The following SGTA variants were observed in gnomAD, a reference collection of about 807,000 sequenced individuals.
SGTA encodes the protein small glutamine rich tetratricopeptide repeat co-chaperone alpha, also known as small glutamine-rich tetratricopeptide repeat-containing protein alpha.
Under a neutral mutation model 44.3 loss-of-function variants are expected in SGTA, and 22 were observed. The observed-to-expected ratio is 0.50, with a 90% CI of 0.36 to 0.71. The LOEUF (loss-of-function observed/expected upper bound fraction) is 0.71. Ranked by LOEUF, SGTA falls within the 30% of genes least tolerant of loss-of-function variation. The pLI is 0.00. For missense variants in SGTA, 341 were observed against 435.9 expected (o/e 0.78, Z 1.94); for synonymous variants, 174 against 177.6 (o/e 0.98, Z 0.16).
chr19:2,756,299 G>T (rs1166050360), intron 11 of SGTA, among the ~76,000 whole-genome samples: 1 of 152,048 alleles, frequency 6.6e-6, no homozygotes, highest in Admixed American at 6.6e-5. Context: ...TAATGTTGGT[G>T]GCTCTGGGTG....
At chr19:2,766,057 A>G (rs968400261) in intron 4 of SGTA, among the ~76,000 whole-genome samples, 1 of 152,130 alleles carries the variant, frequency 6.6e-6, no homozygotes, top group Non-Finnish European at 1.5e-5. Context: ...CTCTACTAGA[A>G]ATACAAAAAT....
At position 2,759,273 on chromosome 19, in the gene SGTA, G is replaced by C; in HGVS notation, c.721C>G (p.Pro241Ala). The stretch of plus-strand genomic sequence containing the variant: ...GTCACTTACAGCTGCTGAATCTGGG[G>C]ATTGTTCATTAGGTTCGAAGCCTGA... ...MSMASNLMNN[P>A]QIQQLMSGMI... Residue 241 changes from proline to alanine, a missense_variant, in exon 9 of 12, where the codon CCC (proline) becomes GCC (alanine). Pro to Ala is a conservative substitution (Grantham distance 27). Coordinates refer to ENST00000221566, the MANE Select transcript of SGTA (RefSeq NM_003021.4). 1 of 1,614,104 alleles carries C rather than the reference G, an allele frequency of 6.2e-7. No individual in the cohort carries two copies. The highest frequency in any genetic ancestry group is 1.1e-5 in the South Asian group (1 of 91,080).
chr19:2,765,755 G>A lies in SGTA; in HGVS notation c.293-470C>T, dbSNP rs375616428. Among the ~76,000 whole-genome samples, 28 of 152,260 alleles carry A rather than the reference G, an allele frequency of 1.8e-4. 1 individual carries two copies. The East Asian group carries it at 4.6e-3, about 25-fold the overall frequency. ...CTGAGGCATGGGTCCCAGCTGGTAG[G>A]ACGGTAAAAACCCCAGCTGCTATCC... is the stretch of plus-strand genomic sequence containing the variant. On this transcript the variant is annotated intron_variant, in intron 4 of 11. Transcript: ENST00000221566. This position sits in a 1 kb window ranked among gnomAD's most constrained non-coding sequence, Gnocchi z 5.5.
At chr19:2,762,123 C>G (rs1915012843) in intron 7 of SGTA, among the ~76,000 whole-genome samples, 1 of 152,194 alleles carries the variant, frequency 6.6e-6, no homozygotes, top group African/African-American at 2.4e-5. Context: ...CACAGTCCAC[C>G]TGCCCCACTC....
chr19:2,773,484 A>G (rs1276841564), intron 1 of SGTA, among the ~76,000 whole-genome samples: 4 of 14,774 alleles, frequency 2.7e-4, no homozygotes, highest in Admixed American at 1.1e-3. Context: ...GCCACACGGC[A>G]GGGACACCGA....
intron 1 of SGTA, among the ~76,000 whole-genome samples, chr19:2,780,970 C>G (rs1915560913): frequency 6.6e-6 from 1 of 152,146 alleles, no homozygotes; most frequent in Non-Finnish European, 1.5e-5. Flanking sequence ...CCTGTAGTCC[C>G]AGCTACTCAG....
intron 1 of SGTA, among the ~76,000 whole-genome samples, chr19:2,778,260 G>A (rs749603900): frequency 3.7e-4 from 57 of 152,276 alleles, no homozygotes; most frequent in Non-Finnish European, 6.0e-4. Flanking sequence ...TTCCTTCGCA[G>A]GGAACTAACA....
At chr19:2,774,850 G>C (rs547577661) in intron 1 of SGTA, among the ~76,000 whole-genome samples, 2 of 152,272 alleles carry the variant, frequency 1.3e-5, no homozygotes, top group East Asian at 3.9e-4. Flanking sequence ...CTGAAGCTGT[G>C]TGCGCGCGCA....
chr19:2,771,991 C>T (rs1248522042), intron 1 of SGTA, among the ~76,000 whole-genome samples: 1 of 152,246 alleles, frequency 6.6e-6, no homozygotes, highest in African/African-American at 2.4e-5. Flanking sequence ...TGGGTCTTCC[C>T]CATCTCTGTC....
chr19:2,775,804 T>A (rs76611951), intron 1 of SGTA, among the ~76,000 whole-genome samples: 7,725 of 152,240 alleles, frequency 0.051, 253 homozygotes, highest in Non-Finnish European at 0.07. Flanking sequence ...CAAATGCCAC[T>A]GAATTTCACG....
rs572701407 is a variant in SGTA, at chr19:2,771,687, A to G, written c.-23-2596T>C. ...GCACCCTCCGTGTCCAGATCAACACATGCTGAGGCTATTCCAGAAACGCTG... is the reference window on the plus strand; with the variant it reads ...GCACCCTCCGTGTCCAGATCAACACGTGCTGAGGCTATTCCAGAAACGCTG... On this transcript the variant is annotated intron_variant, in intron 1 of 11. Coordinates refer to ENST00000221566, the MANE Select transcript of SGTA (RefSeq NM_003021.4). Among the ~76,000 whole-genome samples, 4 of 152,248 alleles carry G rather than the reference A, an allele frequency of 2.6e-5. No homozygotes were observed. In the East Asian group the frequency reaches 7.7e-4, roughly 29 times the overall value.
chr19:2,777,658 G>A (rs1915472731), intron 1 of SGTA: 1 of 152,144 alleles, frequency 6.6e-6, no homozygotes, highest in Admixed American at 6.6e-5. Context: ...AGGTTTCATT[G>A]GAAATGATTC....
chr19:2,771,575 C>CGGGG lies in SGTA; in HGVS notation c.-23-2488_-23-2485dup, dbSNP rs5741784. ...ATGGATGGCGACAGCACCTCCCCAT[C>CGGGG]GGGGGGGGGGGGAGGGGTACGAGAC... is the stretch of plus-strand genomic sequence containing the variant. On this transcript the variant is annotated intron_variant, in intron 1 of 11. Transcript: ENST00000221566. Among the ~76,000 whole-genome samples the CGGGG allele has an allele frequency of 2.4e-4, 26 of 109,274 alleles. 1 individual carries two copies. Among genetic ancestry groups the CGGGG allele is most frequent in the African/African-American group, 9.0e-4 (24 of 26,664 alleles). 71.7% of individuals were successfully genotyped at this position (109,274 alleles called of 152,430 possible).
intron 6 of SGTA, 94 bp from the exon 7 acceptor site, chr19:2,762,738 A>C (rs931499149): frequency 1.3e-6 from 2 of 1,484,292 alleles, no homozygotes; most frequent in Non-Finnish European, 1.8e-6. Context: ...GGCAACCCCC[A>C]AACCACCTCG....
Position 2,761,136 on chromosome 19 carries a change from G to T in SGTA, c.699+324C>A, listed in dbSNP as rs1011285895. Among the ~76,000 whole-genome samples the T allele has an allele frequency of 2.0e-5, 3 of 152,210 alleles. No individual in the cohort carries two copies. The highest frequency in any genetic ancestry group is 4.4e-5 in the Non-Finnish European group (3 of 68,038). On this transcript the variant is annotated intron_variant, in intron 8 of 11. Transcript: ENST00000221566. The surrounding 1 kb of genome is among the most constrained non-coding windows in gnomAD (Gnocchi z 5.7). ...CGAGGAGGAGCCCACGCCAGGGTGG[G>T]GTGGGGGTGTGACCTCCCTGGGCTC...
intron 6 of SGTA, among the ~76,000 whole-genome samples, chr19:2,762,968 C>A (rs1224695229): frequency 6.6e-6 from 1 of 152,182 alleles, no homozygotes; most frequent in Non-Finnish European, 1.5e-5. Context: ...GTTGTCTTGG[C>A]CCCGCTTCCC....
At chr19:2,773,941 T>A (rs13345299) in intron 1 of SGTA, among the ~76,000 whole-genome samples, 299 of 35,588 alleles carry the variant, frequency 8.4e-3, no homozygotes, top group African/African-American at 0.012. Context: ...CGGCAGGGAC[T>A]CCGAGGGCAG....
chr19:2,759,488 A>G (rs1216945553), intron 8 of SGTA, 194 bp from the exon 9 acceptor site: 2 of 585,174 alleles, frequency 3.4e-6, no homozygotes, highest in Non-Finnish European at 3.1e-6. Context: ...TGACCTCCAC[A>G]TTGTGACTTA....
chr19:2,767,095 G>A lies in SGTA; in HGVS notation c.292+41C>T, dbSNP rs1315446033. The stretch of plus-strand genomic sequence containing the variant: ...GAGGGTCCCACAGCCCCGGAGTCCA[G>A]GTAGGGCGAGGTGTCTGTGGGGATG... On this transcript the variant is annotated intron_variant, in intron 4 of 11. Transcript: ENST00000221566. This position sits in a 1 kb window ranked among gnomAD's most constrained non-coding sequence, Gnocchi z 7.3. 7.5e-6 allele frequency: 11 copies of A among 1,467,608 alleles called. No individual in the cohort carries two copies. In the Admixed American group the frequency reaches 2.0e-4, roughly 27 times the overall value. 90.9% of individuals were successfully genotyped at this position (1,467,608 alleles called of 1,614,324 possible). A position where few individuals can be genotyped will look rare whatever the true frequency, so the allele number is the denominator to read the frequency against.
Sources: gnomAD v4.1 joint callset for allele counts (sites outside exome capture counted in the v4.1 genomes callset) on GRCh38, gnomAD v4.1.1 for gene constraint, Gnocchi (gnomAD v3.1) non-coding constraint, MANE v1.5 for transcripts, NCBI Gene and HGNC (gene_info 2026-07-23, HGNC 2026-07-21) for gene names.